Variants in MRPL48 observed in about 807,000 individuals in gnomAD.
MRPL48 encodes the protein large ribosomal subunit protein mL48.
Under a neutral mutation model 32.9 loss-of-function variants are expected in MRPL48, and 16 were observed. The ratio of observed to expected loss-of-function variants is 0.49; its 90% CI spans 0.33 to 0.74. MRPL48 has a LOEUF of 0.74. MRPL48 is among the 30% of genes least tolerant of loss of function. The pLI is 0.02. For missense variants in MRPL48, 206 were observed against 245.3 expected (o/e 0.84, Z 1.07); for synonymous variants, 94 against 89.2 (o/e 1.05, Z -0.31).
At chr11:73,856,771 A>G (rs1239595825) in intron 5 of MRPL48, among the ~76,000 whole-genome samples, 1 of 152,132 alleles carries the variant, frequency 6.6e-6, no homozygotes, top group African/African-American at 2.4e-5. Context: ...AAATAGCATT[A>G]TTTTGTCATG....
At chr11:73,863,807 G>A (rs1565115638) in intron 7 of MRPL48, among the ~76,000 whole-genome samples, 1 of 152,106 alleles carries the variant, frequency 6.6e-6, no homozygotes, top group Non-Finnish European at 1.5e-5. Flanking sequence ...AGATGTATGA[G>A]GTCATCTTAG....
intron 7 of MRPL48, among the ~76,000 whole-genome samples, chr11:73,863,462 C>T (rs755135308): frequency 3.3e-5 from 5 of 152,154 alleles, no homozygotes; most frequent in Non-Finnish European, 7.3e-5. Flanking sequence ...TGCTTTGTGG[C>T]CTATGAGTGC....
At chr11:73,830,819 C>T (rs1240573481) in intron 4 of MRPL48, among the ~76,000 whole-genome samples, 1 of 152,010 alleles carries the variant, frequency 6.6e-6, no homozygotes, top group Non-Finnish European at 1.5e-5. Context: ...CTCAGCTTTC[C>T]TTGTTAATAC....
intron 5 of MRPL48, among the ~76,000 whole-genome samples, chr11:73,853,118 G>A (rs1009837244): frequency 6.8e-6 from 1 of 146,568 alleles, no homozygotes; most frequent in Admixed American, 6.8e-5. Flanking sequence ...GGGGCTGGGG[G>A]AGAAGTGGGG....
intron 4 of MRPL48, among the ~76,000 whole-genome samples, chr11:73,840,164 T>TA (rs1355962048): frequency 1.3e-5 from 2 of 149,284 alleles, no homozygotes; most frequent in Non-Finnish European, 3.0e-5. Context: ...TAAATAAAAA[T>TA]AAAAAATAGC....
chr11:73,812,684 T>A (rs890603398), intron 3 of MRPL48, among the ~76,000 whole-genome samples: 2 of 150,086 alleles, frequency 1.3e-5, no homozygotes, highest in African/African-American at 4.9e-5. Flanking sequence ...TGCCATACTC[T>A]AGCCTGGGCG....
intron 5 of MRPL48, among the ~76,000 whole-genome samples, chr11:73,848,488 A>AT (rs56364963): frequency 0.061 from 8,835 of 144,802 alleles, 344 homozygotes; most frequent in African/African-American, 0.11. Flanking sequence ...GTCCGATGGG[A>AT]TTTTTTTTTT....
At chr11:73,834,000 G>A (rs1365749731) in intron 4 of MRPL48, among the ~76,000 whole-genome samples, 1 of 151,960 alleles carries the variant, frequency 6.6e-6, no homozygotes, top group Non-Finnish European at 1.5e-5. Flanking sequence ...GGGATTATAG[G>A]TGCGCCCCAC....
At chr11:73,808,611 C>G (rs575808075) in intron 3 of MRPL48, among the ~76,000 whole-genome samples, 1 of 152,226 alleles carries the variant, frequency 6.6e-6, no homozygotes, top group South Asian at 2.1e-4. Flanking sequence ...AGCTTGGTTT[C>G]CTCACCTTAA....
intron 1 of MRPL48, among the ~76,000 whole-genome samples, chr11:73,790,073 T>G (rs1947121079): frequency 1.0e-5 from 1 of 98,454 alleles, no homozygotes. Flanking sequence ...TTTTTTTTTT[T>G]TTTTTTTTTT....
chr11:73,855,369 C>G lies in MRPL48; in HGVS notation c.372-4538C>G, dbSNP rs137859893. Reference sequence around the variant, plus strand: ...GCCTGCCTTGCCTCTCTTCACACTTCCCTCCCCACCTCCCTCTACCTCTAG... The same window carrying G: ...GCCTGCCTTGCCTCTCTTCACACTTGCCTCCCCACCTCCCTCTACCTCTAG... On this transcript the variant is annotated intron_variant, in intron 5 of 7. Transcript: ENST00000310614. Among the ~76,000 whole-genome samples the G allele has an allele frequency of 9.7e-4, 148 of 152,056 alleles. No individual in the cohort carries two copies. The East Asian group carries it at 0.025, about 25-fold the overall frequency.
intron 7 of MRPL48, 101 bp from the exon 8 acceptor site, chr11:73,864,195 T>G (rs1240992853): frequency 2.1e-6 from 2 of 944,862 alleles, no homozygotes; most frequent in Non-Finnish European, 3.2e-6. Context: ...TGAATGATTC[T>G]CTACAGAGCT....
chr11:73,832,005 C>A (rs1360078668), intron 4 of MRPL48, among the ~76,000 whole-genome samples: 2 of 148,988 alleles, frequency 1.3e-5, no homozygotes, highest in Non-Finnish European at 3.0e-5. Flanking sequence ...AGCACTGGGT[C>A]ATTTTTCCCA....
At chr11:73,830,434 C>T (rs1423113554) in intron 4 of MRPL48, among the ~76,000 whole-genome samples, 1 of 152,160 alleles carries the variant, frequency 6.6e-6, no homozygotes, top group Non-Finnish European at 1.5e-5. Context: ...GCTTCCTGCA[C>T]AGGACAGCAC....
chr11:73,825,736 C>G lies in MRPL48; in HGVS notation c.141C>G (p.Pro47=), dbSNP rs796581524. The change falls in exon 4 of 8, where the codon CCC becomes CCG. Residue 47 remains proline, a synonymous_variant. Coordinates refer to ENST00000310614, the MANE Select transcript of MRPL48 (RefSeq NM_016055.6). ...VGGILLSISR[P]YKTKPTHGIG... ...GAATTCTACTAAGTATCAGTCGGCC[C>G]TACAAGACAAAGCCCACCCACGGCA... The G allele has an allele frequency of 6.4e-7, 1 of 1,568,116 alleles. No homozygotes were observed. The highest frequency in any genetic ancestry group is 2.4e-5 in the East Asian group (1 of 42,306).
At chr11:73,804,483 G>C (rs959467293) in intron 1 of MRPL48, among the ~76,000 whole-genome samples, 8 of 151,622 alleles carry the variant, frequency 5.3e-5, no homozygotes, top group Admixed American at 2.0e-4. Context: ...TGTTGGTCAG[G>C]TTGGTCTTGA....
intron 5 of MRPL48, among the ~76,000 whole-genome samples, chr11:73,858,539 T>G (rs1300915417): frequency 6.6e-6 from 1 of 152,170 alleles, no homozygotes; most frequent in East Asian, 1.9e-4. Context: ...CCTCCCAAAG[T>G]GCTGAGATTA....
At chr11:73,830,001 A>C (rs1193632781) in intron 4 of MRPL48, among the ~76,000 whole-genome samples, 1 of 152,092 alleles carries the variant, frequency 6.6e-6, no homozygotes, top group Admixed American at 6.6e-5. Flanking sequence ...GACTTAAGTG[A>C]TCCGTCTGCC....
At chr11:73,801,460 A>G (rs1947362631) in intron 1 of MRPL48, among the ~76,000 whole-genome samples, 1 of 152,194 alleles carries the variant, frequency 6.6e-6, no homozygotes, top group African/African-American at 2.4e-5. Context: ...TGTATTGCAC[A>G]CATACTTTAC....
Sources: gnomAD v4.1 joint callset for allele counts (sites outside exome capture counted in the v4.1 genomes callset) on GRCh38, gnomAD v4.1.1 for gene constraint, MANE v1.5 for transcripts, NCBI Gene and HGNC (gene_info 2026-07-23, HGNC 2026-07-21) for gene names.